Variants in NCR3 observed in about 807,000 individuals in gnomAD.
NCR3 encodes the protein NK-p30.
In NCR3, 13 loss-of-function variants were observed where a neutral mutation model predicts 16.1. The observed-to-expected ratio is 0.81, with a 90% CI of 0.53 to 1.28. The LOEUF (loss-of-function observed/expected upper bound fraction) is 1.28, where lower values mean the gene tolerates loss of function less well. Ranked by LOEUF, NCR3 falls within the 50% of genes most tolerant of loss-of-function variation. NCR3 has a pLI of 0.00. For synonymous variants in NCR3, 98 were observed against 106.6 expected, an observed-to-expected ratio of 0.92 and a Z score of 0.50; for missense variants, 202 against 256.8, an observed-to-expected ratio of 0.79 and a Z score of 1.46.
Position 31,592,894 on chromosome 6 carries a change from G to A in NCR3, c.-173C>T, listed in dbSNP as rs1772741976. ...AAGGACCACAACTGCCAGGGACCTC[G>A]AGCATCAAATGCTTGCCTCCCTGAG... On this transcript the variant is annotated 5_prime_UTR_variant, in exon 1 of 4. Coordinates refer to ENST00000340027, the MANE Select transcript of NCR3 (RefSeq NM_147130.3). 4.4e-6 allele frequency: 3 copies of A among 678,518 alleles called. No individual in the cohort carries two copies. The highest frequency in any genetic ancestry group is 2.7e-5 in the East Asian group (1 of 36,926). The allele number at this position is 678,518 out of a possible 1,614,324, so 42.0% of individuals were successfully genotyped here. A position where few individuals can be genotyped will look rare whatever the true frequency, so the allele number is the denominator to read the frequency against.
Position 31,589,792 on chromosome 6 carries a change from C to G in NCR3, c.378G>C (p.Val126=), listed in dbSNP as rs1254727245. 3.7e-6 allele frequency: 6 copies of G among 1,610,148 alleles called. No homozygotes were observed. The highest frequency in any genetic ancestry group is 1.7e-4 in the Middle Eastern group (1 of 6,016). The change falls in exon 2 of 4, where the codon GTG becomes GTC. Residue 126 remains valine (V), a synonymous_variant. Transcript: ENST00000340027. This position sits in a 1 kb window ranked among gnomAD's most constrained non-coding sequence, Gnocchi z 4.8. ...CTCCCAGCATCTCACCTTTCTCCAC[C>G]ACCAGCCGAGTCCCATTCCCTGTCC... ...GVGTGNGTRL[V]VEKEHPQLGA...
Position 31,589,082 on chromosome 6 carries a change from T to TA in NCR3, c.590_591insT (p.Val198SerfsTer18). The TA allele has an allele frequency of 6.3e-7, 1 of 1,594,132 alleles. No homozygotes were observed. Among genetic ancestry groups the TA allele is most frequent in the Non-Finnish European group, 8.5e-7 (1 of 1,169,630 alleles). On this transcript the variant is annotated frameshift_variant, in exon 4 of 4. Transcript: ENST00000340027. LOFTEE classifies it high-confidence loss of function. The surrounding 1 kb of genome is among the most constrained non-coding windows in gnomAD (Gnocchi z 4.8). ...ACAATCAGGCTCAGCCTCCTGGGAC[T>TA]GGGGGAAGCAGATGTGCTGAGCTCC...
intron 1 of NCR3, among the ~76,000 whole-genome samples, chr6:31,590,330 A>G (rs931540429): frequency 2.6e-5 from 4 of 152,142 alleles, no homozygotes; most frequent in African/African-American, 4.8e-5. Flanking sequence ...GGCTGGGTGC[A>G]GTGGCTCACG....
intron 1 of NCR3, among the ~76,000 whole-genome samples, chr6:31,591,680 A>G (rs1772641612): frequency 6.6e-6 from 1 of 151,794 alleles, no homozygotes. Context: ...GCCAGCAGTA[A>G]TGGCATGCAC....
In NCR3 at chr6:31,592,877, C is replaced by A; in HGVS notation, c.-156G>T. ...CTCACACATCACTTGCCAAGGACCA[C>A]AACTGCCAGGGACCTCGAGCATCAA... is the stretch of plus-strand genomic sequence containing the variant. On this transcript the variant is annotated 5_prime_UTR_variant, in exon 1 of 4. Transcript: ENST00000340027. 1 of 731,738 alleles carries A rather than the reference C, an allele frequency of 1.4e-6. No individual in the cohort carries two copies. The highest frequency in any genetic ancestry group is 2.4e-6 in the Non-Finnish European group (1 of 416,308). The allele number at this position is 731,738 out of a possible 1,614,324, so 45.3% of individuals were successfully genotyped here.
chr6:31,591,576 A>G (rs2736192), intron 1 of NCR3, among the ~76,000 whole-genome samples: 138,072 of 152,306 alleles, frequency 0.91, 62,750 homozygotes, highest in East Asian at 0.98. Context: ...AACACTTTGG[A>G]AGGCCAAGGC....
chr6:31,592,122 C>T lies in NCR3; in HGVS notation c.43+557G>A, dbSNP rs372308208. Among the ~76,000 whole-genome samples the T allele has an allele frequency of 1.6e-4, 25 of 151,938 alleles. No homozygotes were observed. In the South Asian group the frequency reaches 2.7e-3, roughly 16 times the overall value. On this transcript the variant is annotated intron_variant, in intron 1 of 3. Transcript: ENST00000340027. Reference sequence around the variant, plus strand: ...AAAATTAGTTGGGTGTGGTGGTGCGCGCTTGTAATCCCAGCTACCTAGGAG... The same window carrying T: ...AAAATTAGTTGGGTGTGGTGGTGCGTGCTTGTAATCCCAGCTACCTAGGAG...
Position 31,589,744 on chromosome 6 carries a change from C to T in NCR3, c.388+38G>A. 1 of 1,603,354 alleles carries T rather than the reference C, an allele frequency of 6.2e-7. No homozygotes were observed. ...TCCCAAGGACATTGCCTCTTGGGGC[C>T]TCCAGCCAGGAGGAGACACCACCTC... On this transcript the variant is annotated intron_variant, in intron 2 of 3. Coordinates refer to ENST00000340027, the MANE Select transcript of NCR3 (RefSeq NM_147130.3). This position sits in a 1 kb window ranked among gnomAD's most constrained non-coding sequence, Gnocchi z 4.8.
chr6:31,589,539 A>G lies in NCR3; in HGVS notation c.483T>C (p.Tyr161=). The G allele has an allele frequency of 6.2e-7, 1 of 1,614,020 alleles. No homozygotes were observed. The highest frequency in any genetic ancestry group is 8.5e-7 in the Non-Finnish European group (1 of 1,180,012). ...TCCATTACTCACATTTGCCCTGGTA[A>G]TAGACGGTGCTGCCCACGGCCACAG... ...FLSVAVGSTV[Y]YQGKCLTWKG... Residue 161 remains tyrosine, a synonymous_variant, in exon 3 of 4, where the codon TAT becomes TAC. Coordinates refer to ENST00000340027, the MANE Select transcript of NCR3 (RefSeq NM_147130.3). This position sits in a 1 kb window ranked among gnomAD's most constrained non-coding sequence, Gnocchi z 4.8.
Position 31,589,079 on chromosome 6 carries a change from G to C in NCR3, c.594C>G (p.Val198=), listed in dbSNP as rs1319260086. The change falls in exon 4 of 4, where the codon GTC becomes GTG. Residue 198 remains valine, a synonymous_variant. Coordinates refer to ENST00000340027, the MANE Select transcript of NCR3 (RefSeq NM_147130.3). The surrounding 1 kb of genome is among the most constrained non-coding windows in gnomAD (Gnocchi z 4.8). The part of the protein sequence containing the change: ...CGSSAHLLPP[V]PGG ...AGGACAATCAGGCTCAGCCTCCTGGGACTGGGGGAAGCAGATGTGCTGAGC... is the reference window on the plus strand; with the variant it reads ...AGGACAATCAGGCTCAGCCTCCTGGCACTGGGGGAAGCAGATGTGCTGAGC... 15 of 1,592,722 alleles carry C rather than the reference G, an allele frequency of 9.4e-6. No homozygotes were observed. The highest frequency in any genetic ancestry group is 1.0e-5 in the Non-Finnish European group (12 of 1,169,004).
At chr6:31,592,455 T>C (rs1040395722) in intron 1 of NCR3, among the ~76,000 whole-genome samples, 5 of 150,716 alleles carry the variant, frequency 3.3e-5, no homozygotes, top group African/African-American at 7.3e-5. Flanking sequence ...TTATCATAGA[T>C]TTACTTGGAT....
chr6:31,589,797 G>A lies in NCR3; in HGVS notation c.373C>T (p.Leu125=). ...LGVGTGNGTR[L]VVEKEHPQLG... is the part of the protein sequence containing the mutation. Reference sequence around the variant, plus strand: ...AGCATCTCACCTTTCTCCACCACCAGCCGAGTCCCATTCCCTGTCCCGACA... The same window carrying A: ...AGCATCTCACCTTTCTCCACCACCAACCGAGTCCCATTCCCTGTCCCGACA... Residue 125 remains leucine, a synonymous_variant, in exon 2 of 4, where the codon CTG becomes TTG. Transcript: ENST00000340027. The surrounding 1 kb of genome is among the most constrained non-coding windows in gnomAD (Gnocchi z 4.8). 6.2e-7 allele frequency: 1 copy of A among 1,611,166 alleles called. No individual in the cohort carries two copies. The highest frequency in any genetic ancestry group is 8.5e-7 in the Non-Finnish European group (1 of 1,178,428).
In NCR3 at chr6:31,589,172, C is replaced by G; in HGVS notation, c.501G>C (p.Leu167=). ...GSTVYYQGKC[L]TWKGPRRQLP... is the part of the protein sequence containing the mutation. The stretch of plus-strand genomic sequence containing the variant: ...GCTGCCTTCTTGGACCTTTCCAGGT[C>G]AGACCTGGTGGAAGGGAAAGTTCAG... The change falls in exon 4 of 4, where the codon CTG becomes CTC. Residue 167 remains leucine (L), a synonymous_variant. Transcript: ENST00000340027. This position sits in a 1 kb window ranked among gnomAD's most constrained non-coding sequence, Gnocchi z 4.8. 1 of 1,613,774 alleles carries G rather than the reference C, an allele frequency of 6.2e-7. No homozygotes were observed. Among genetic ancestry groups the G allele is most frequent in the Non-Finnish European group, 8.5e-7 (1 of 1,179,900 alleles).
At position 31,592,821 on chromosome 6, in the gene NCR3, G is replaced by A; in HGVS notation, c.-100C>T. On this transcript the variant is annotated 5_prime_UTR_variant, in exon 1 of 4. Coordinates refer to ENST00000340027, the MANE Select transcript of NCR3 (RefSeq NM_147130.3). Reference sequence around the variant, plus strand: ...GTAGCCAGGCCTTTGGTCACCAGATGGGGATGGGGAGCTTCCTATGACACA... The same window carrying A: ...GTAGCCAGGCCTTTGGTCACCAGATAGGGATGGGGAGCTTCCTATGACACA... 2 of 1,306,304 alleles carry A rather than the reference G, an allele frequency of 1.5e-6. No homozygotes were observed. The highest frequency in any genetic ancestry group is 2.2e-6 in the Non-Finnish European group (2 of 911,596). The allele number at this position is 1,306,304 out of a possible 1,614,324, so 80.9% of individuals were successfully genotyped here. A position where few individuals can be genotyped will look rare whatever the true frequency, so the allele number is the denominator to read the frequency against.
At position 31,592,881 on chromosome 6, in the gene NCR3, T is replaced by C. The variant is rs543601581; in HGVS notation, c.-160A>G. The C allele has an allele frequency of 3.0e-5, 21 of 711,576 alleles. No individual in the cohort carries two copies. The South Asian group carries it at 3.2e-4, about 11-fold the overall frequency. The allele number at this position is 711,576 out of a possible 1,614,324, so 44.1% of individuals were successfully genotyped here. On this transcript the variant is annotated 5_prime_UTR_variant, in exon 1 of 4. Coordinates refer to ENST00000340027, the MANE Select transcript of NCR3 (RefSeq NM_147130.3). ...CACATCACTTGCCAAGGACCACAACTGCCAGGGACCTCGAGCATCAAATGC... is the reference window on the plus strand; with the variant it reads ...CACATCACTTGCCAAGGACCACAACCGCCAGGGACCTCGAGCATCAAATGC...
chr6:31,589,799 C>T lies in NCR3; in HGVS notation c.371G>A (p.Arg124Gln), dbSNP rs752344663. 7 of 1,611,264 alleles carry T rather than the reference C, an allele frequency of 4.3e-6. No homozygotes were observed. Among genetic ancestry groups the T allele is most frequent in the Non-Finnish European group, 4.2e-6 (5 of 1,178,496 alleles). The change falls in exon 2 of 4, where the codon CGG (arginine) becomes CAG (glutamine). Residue 124 changes from arginine (R) to glutamine (Q), a missense_variant. Physicochemically the swap from Arg to Gln is conservative, Grantham distance 43. Coordinates refer to ENST00000340027, the MANE Select transcript of NCR3 (RefSeq NM_147130.3). This position sits in a 1 kb window ranked among gnomAD's most constrained non-coding sequence, Gnocchi z 4.8. ...CATCTCACCTTTCTCCACCACCAGC[C>T]GAGTCCCATTCCCTGTCCCGACACC... ...GLGVGTGNGT[R>Q]LVVEKEHPQL...
rs1016525090 is a variant in NCR3 at position 31,592,999 on chromosome 6, C to T, written c.-278G>A. On this transcript the variant is annotated 5_prime_UTR_variant, in exon 1 of 4. Transcript: ENST00000340027. Reference sequence around the variant, plus strand: ...GCCAGCTTGTGGCAGGCTAGCTAAGCGTGTGAGGGGGAGGGTGGGGCTTAG... The same window carrying T: ...GCCAGCTTGTGGCAGGCTAGCTAAGTGTGTGAGGGGGAGGGTGGGGCTTAG... 9 of 549,494 alleles carry T rather than the reference C, an allele frequency of 1.6e-5. No homozygotes were observed. Among genetic ancestry groups the T allele is most frequent in the Admixed American group, 3.0e-5 (1 of 32,904 alleles). The allele number at this position is 549,494 out of a possible 1,614,324, so 34.0% of individuals were successfully genotyped here. A position where few individuals can be genotyped will look rare whatever the true frequency, so the allele number is the denominator to read the frequency against.
chr6:31,589,485 C>T lies in NCR3; in HGVS notation c.496+41G>A. ...CCCTCCTCCCACTCTCTTACTGCCC[C>T]TCCCATCCCGTCCACTATTGCCCCT... On this transcript the variant is annotated intron_variant, in intron 3 of 3. Coordinates refer to ENST00000340027, the MANE Select transcript of NCR3 (RefSeq NM_147130.3). This position sits in a 1 kb window ranked among gnomAD's most constrained non-coding sequence, Gnocchi z 4.8. The T allele has an allele frequency of 1.2e-6, 2 of 1,610,486 alleles. No individual in the cohort carries two copies. Among genetic ancestry groups the T allele is most frequent in the Non-Finnish European group, 1.7e-6 (2 of 1,177,502 alleles).
In NCR3 at chr6:31,589,413, G is replaced by A. The variant is rs1282384712; in HGVS notation, c.496+113C>T. 2 of 1,554,100 alleles carry A rather than the reference G, an allele frequency of 1.3e-6. No homozygotes were observed. Among genetic ancestry groups the A allele is most frequent in the East Asian group, 2.4e-5 (1 of 41,176 alleles). ...CCTGGTCAGAGAGAGGACAGGAGCT[G>A]CTCAGTGTTGCAGTCCCGAGGCTCT... is the stretch of plus-strand genomic sequence containing the variant. On this transcript the variant is annotated intron_variant, in intron 3 of 3. Coordinates refer to ENST00000340027, the MANE Select transcript of NCR3 (RefSeq NM_147130.3). This position sits in a 1 kb window ranked among gnomAD's most constrained non-coding sequence, Gnocchi z 4.8.
Sources: gnomAD v4.1 joint callset for allele counts (sites outside exome capture counted in the v4.1 genomes callset) on GRCh38, gnomAD v4.1.1 for gene constraint, Gnocchi (gnomAD v3.1) non-coding constraint, MANE v1.5 for transcripts, NCBI Gene and HGNC (gene_info 2026-07-23, HGNC 2026-07-21) for gene names.